The following MED28 variants were observed in gnomAD, a reference collection of about 807,000 sequenced individuals.
MED28 encodes mediator complex subunit 28.
MED28 carries 26 observed loss-of-function variants against 21.3 expected under a neutral mutation model. The observed-to-expected ratio is 1.22, with a 90% CI of 0.89 to 1.69. The LOEUF (loss-of-function observed/expected upper bound fraction) is 1.69, where lower values mean the gene tolerates loss of function less well. MED28 is among the 40% of genes most tolerant of loss of function. The pLI is 0.00. For synonymous variants in MED28, 110 were observed against 87.6 expected (o/e 1.26, Z -1.43); for missense variants, 257 against 215.4 (o/e 1.19, Z -1.21).
At chr4:17,622,426 G>T (rs376626139) in intron 3 of MED28, among the ~76,000 whole-genome samples, 1 of 152,210 alleles carries the variant, frequency 6.6e-6, no homozygotes, top group Non-Finnish European at 1.5e-5. Flanking sequence ...TATCATGTCA[G>T]ATCATTTCCT....
chr4:17,619,685 C>T (rs1383778946), intron 1 of MED28, among the ~76,000 whole-genome samples: 1 of 152,068 alleles, frequency 6.6e-6, no homozygotes, highest in East Asian at 1.9e-4. Context: ...AGATGTGGTG[C>T]CGGCTCGTTT....
At position 17,629,746 on chromosome 4, in the gene MED28, T is replaced by C. The variant is rs938682945; in HGVS notation, c.*5948T>C. ...TCTAGACCGCTCTGCTGTTGAGAGA[T>C]TGATGGAATCATTATGCAAACTAAA... On this transcript the variant is annotated 3_prime_UTR_variant, in exon 4 of 4. Coordinates refer to ENST00000237380, the MANE Select transcript of MED28 (RefSeq NM_025205.5). 2 of 152,232 alleles carry C rather than the reference T, an allele frequency of 1.3e-5. No individual in the cohort carries two copies. The highest frequency in any genetic ancestry group is 4.8e-5 in the African/African-American group (2 of 41,466). The allele number at this position is 152,232 out of a possible 1,614,324, so 9.4% of individuals were successfully genotyped here.
chr4:17,620,175 C>CT, intron 2 of MED28: 1 of 567,372 alleles, frequency 1.8e-6, no homozygotes, highest in Non-Finnish European at 3.1e-6. Context: ...TTATAATGAA[C>CT]TTTTCGTATT....
At chr4:17,616,695 A>C (rs1009669587) in intron 1 of MED28, among the ~76,000 whole-genome samples, 5 of 152,090 alleles carry the variant, frequency 3.3e-5, no homozygotes, top group Admixed American at 6.5e-5. Flanking sequence ...TTTAATACTT[A>C]CCATTAAATT....
Position 17,614,800 on chromosome 4 carries a change from A to G in MED28, c.146A>G (p.Glu49Gly). 1 of 1,607,978 alleles carries G rather than the reference A, an allele frequency of 6.2e-7. No homozygotes were observed. Among genetic ancestry groups the G allele is most frequent in the Non-Finnish European group, 8.5e-7 (1 of 1,177,788 alleles). ...PSSSTLVDEL[E>G]SSFEACFASL... is the part of the protein sequence containing the mutation. Reference sequence around the variant, plus strand: ...AGCAGTACTTTGGTGGACGAGTTGGAGTCATCTTTCGAGGTAATATAAGAC... The same window carrying G: ...AGCAGTACTTTGGTGGACGAGTTGGGGTCATCTTTCGAGGTAATATAAGAC... The change falls in exon 1 of 4, where the codon GAG (glutamate) becomes GGG (glycine). Residue 49 changes from glutamate to glycine, a missense_variant. Glu to Gly is a moderately conservative substitution (Grantham distance 98, BLOSUM62 -2). Transcript: ENST00000237380.
chr4:17,618,829 C>G (rs933098732), intron 1 of MED28, among the ~76,000 whole-genome samples: 1 of 152,166 alleles, frequency 6.6e-6, no homozygotes, highest in Non-Finnish European at 1.5e-5. Context: ...CGTGAGCCAC[C>G]GTGCCCAGCC....
chr4:17,628,282 G>GTGTGTGTGTGTGTGTGTGTA lies in MED28; in HGVS notation c.*4493_*4494insGTGTGTGTGTATGTGTGTGT, dbSNP rs1553825995. 1 of 148,620 alleles carries GTGTGTGTGTGTGTGTGTGTA rather than the reference G, an allele frequency of 6.7e-6. No homozygotes were observed. Among genetic ancestry groups the GTGTGTGTGTGTGTGTGTGTA allele is most frequent in the African/African-American group, 2.6e-5 (1 of 38,980 alleles). 9.2% of individuals were successfully genotyped at this position (148,620 alleles called of 1,614,324 possible). A position where few individuals can be genotyped will look rare whatever the true frequency, so the allele number is the denominator to read the frequency against. Reference sequence around the variant, plus strand: ...TGTGTGTGTGTGTGTGTGTGTGTGTGTGTGTGTGTATGTGTATATGCGTAT... The same window carrying GTGTGTGTGTGTGTGTGTGTA: ...TGTGTGTGTGTGTGTGTGTGTGTGTGTGTGTGTGTGTGTGTGTGTATGTGTGTGTATGTGTATATGCGTAT... On this transcript the variant is annotated 3_prime_UTR_variant, in exon 4 of 4. Coordinates refer to ENST00000237380, the MANE Select transcript of MED28 (RefSeq NM_025205.5).
chr4:17,621,021 T>TTTG (rs1247787587), intron 2 of MED28, among the ~76,000 whole-genome samples: 2 of 148,908 alleles, frequency 1.3e-5, no homozygotes, highest in Non-Finnish European at 3.0e-5. Flanking sequence ...GCCTTGTGTT[T>TTTG]TTTTTTTTTT....
At position 17,623,039 on chromosome 4, in the gene MED28, C is replaced by T. The variant is rs373436798; in HGVS notation, c.340-562C>T. Among the ~76,000 whole-genome samples the T allele has an allele frequency of 1.6e-3, 243 of 152,264 alleles. 2 individuals carry two copies. The highest frequency in any genetic ancestry group is 0.01 in the South Asian group (50 of 4,828). On this transcript the variant is annotated intron_variant, in intron 3 of 3. Transcript: ENST00000237380. ...AGATTGGGTGGGGACACAGCCAAAC[C>T]ATATCAATCTGATTTCTTTTTGGCT...
At position 17,632,435 on chromosome 4, in the gene MED28, T is replaced by A. The variant is rs1714980392; in HGVS notation, c.*8637T>A. 8.0e-6 allele frequency: 8 copies of A among 1,002,594 alleles called. No homozygotes were observed. In the South Asian group the frequency reaches 1.2e-4, roughly 15 times the overall value. The allele number at this position is 1,002,594 out of a possible 1,614,324, so 62.1% of individuals were successfully genotyped here. ...AGCTATCATATATAAATCATAAGCA[T>A]ATTATTTGGTTGGTTGGTGTTAGTT... On this transcript the variant is annotated 3_prime_UTR_variant, in exon 4 of 4. Coordinates refer to ENST00000237380, the MANE Select transcript of MED28 (RefSeq NM_025205.5).
At chr4:17,615,729 G>A (rs1267754058) in intron 1 of MED28, among the ~76,000 whole-genome samples, 1 of 152,164 alleles carries the variant, frequency 6.6e-6, no homozygotes, top group East Asian at 1.9e-4. Context: ...AGAATCGCTT[G>A]AACCTGGGAT....
Position 17,614,642 on chromosome 4 carries a change from C to A in MED28, c.-13C>A, listed in dbSNP as rs754122479. The A allele has an allele frequency of 1.2e-6, 2 of 1,604,228 alleles. No individual in the cohort carries two copies. The highest frequency in any genetic ancestry group is 1.7e-6 in the Non-Finnish European group (2 of 1,176,004). ...GCGCAGGCGCAGTGGATCTCTCTTG[C>A]GCCATTCCAAACATGGCGGCTCCAC... On this transcript the variant is annotated 5_prime_UTR_variant, in exon 1 of 4. Coordinates refer to ENST00000237380, the MANE Select transcript of MED28 (RefSeq NM_025205.5).
At position 17,632,654 on chromosome 4, in the gene MED28, G is replaced by A. The variant is rs1714993903; in HGVS notation, c.*8856G>A. On this transcript the variant is annotated 3_prime_UTR_variant, in exon 4 of 4. Transcript: ENST00000237380. ...AAAGCAAAAAAAGGTTTTTTTATAT[G>A]GTTTTGAAAACTATGCAAGAAGCAG... 1.4e-6 allele frequency: 2 copies of A among 1,450,802 alleles called. No individual in the cohort carries two copies. The highest frequency in any genetic ancestry group is 4.1e-5 in the Admixed American group (2 of 48,386). The allele number at this position is 1,450,802 out of a possible 1,614,324, so 89.9% of individuals were successfully genotyped here. A position where few individuals can be genotyped will look rare whatever the true frequency, so the allele number is the denominator to read the frequency against.
chr4:17,616,800 C>T (rs112988323), intron 1 of MED28, among the ~76,000 whole-genome samples: 1 of 152,168 alleles, frequency 6.6e-6, no homozygotes, highest in South Asian at 2.1e-4. Flanking sequence ...ATAGCAAGTG[C>T]TAGATGAATA....
At position 17,633,581 on chromosome 4, in the gene MED28, GA is replaced by G; in HGVS notation, c.*9789del. 6.5e-6 allele frequency: 7 copies of G among 1,070,322 alleles called. No homozygotes were observed. Among genetic ancestry groups the G allele is most frequent in the South Asian group, 2.1e-5 (1 of 47,806 alleles). The allele number at this position is 1,070,322 out of a possible 1,614,324, so 66.3% of individuals were successfully genotyped here. A position where few individuals can be genotyped will look rare whatever the true frequency, so the allele number is the denominator to read the frequency against. ...CAGTGTCCCTTGTCTAATCATCCATGAAAAAAGGCCTTCTGGAATTTGGTAC... is the reference window on the plus strand; with the variant it reads ...CAGTGTCCCTTGTCTAATCATCCATGAAAAAGGCCTTCTGGAATTTGGTAC... On this transcript the variant is annotated 3_prime_UTR_variant, in exon 4 of 4. Transcript: ENST00000237380.
chr4:17,633,742 G>A lies in MED28; in HGVS notation c.*9944G>A. 10 of 1,550,818 alleles carry A rather than the reference G, an allele frequency of 6.4e-6. No homozygotes were observed. The highest frequency in any genetic ancestry group is 8.7e-6 in the Non-Finnish European group (10 of 1,146,592). The stretch of plus-strand genomic sequence containing the variant: ...GGTTGGGTTTGTAGGTCCGGCCACA[G>A]CTGGGGCTTGGGTCCAAGCTGGGTG... On this transcript the variant is annotated 3_prime_UTR_variant, in exon 4 of 4. Transcript: ENST00000237380.
Position 17,632,496 on chromosome 4 carries a change from T to C in MED28, c.*8698T>C. 1 of 1,448,230 alleles carries C rather than the reference T, an allele frequency of 6.9e-7. No individual in the cohort carries two copies. Among genetic ancestry groups the C allele is most frequent in the South Asian group, 1.3e-5 (1 of 79,402 alleles). 89.7% of individuals were successfully genotyped at this position (1,448,230 alleles called of 1,614,324 possible). A position where few individuals can be genotyped will look rare whatever the true frequency, so the allele number is the denominator to read the frequency against. On this transcript the variant is annotated 3_prime_UTR_variant, in exon 4 of 4. Transcript: ENST00000237380. ...ATCGGATGATTTAAAATAAATGTTT[T>C]TCAAGTATCCTCTGTGATGTATCCC...
In MED28 at chr4:17,630,767, A is replaced by AT. The variant is rs1714904509; in HGVS notation, c.*6970dup. ...CCTTTAATACGTAAGTTTGACAGTT[A>AT]TATGTAATCAGCTTTTTTTTTTTTA... On this transcript the variant is annotated 3_prime_UTR_variant, in exon 4 of 4. Transcript: ENST00000237380. 1 of 132,798 alleles carries AT rather than the reference A, an allele frequency of 7.5e-6. No homozygotes were observed. The highest frequency in any genetic ancestry group is 8.6e-5 in the Admixed American group (1 of 11,624). 8.2% of individuals were successfully genotyped at this position (132,798 alleles called of 1,614,324 possible).
chr4:17,615,992 ACTCT>A (rs781711089), intron 1 of MED28, among the ~76,000 whole-genome samples: 170 of 152,050 alleles, frequency 1.1e-3, no homozygotes, highest in Non-Finnish European at 2.1e-3. Context: ...ATGGAGTCTC[ACTCT>A]CTCGCCCAGG....
Sources: gnomAD v4.1 joint callset for allele counts (sites outside exome capture counted in the v4.1 genomes callset) on GRCh38, gnomAD v4.1.1 for gene constraint, MANE v1.5 for transcripts, NCBI Gene and HGNC (gene_info 2026-07-23, HGNC 2026-07-21) for gene names.